The following MERTK variants were observed in gnomAD, a reference collection of about 807,000 sequenced individuals.
MERTK encodes the protein tyrosine-protein kinase Mer.
MERTK carries 69 observed loss-of-function variants against 99.3 expected under a neutral mutation model. The observed-to-expected ratio is 0.70, with a 90% CI of 0.57 to 0.85. The LOEUF is 0.85. MERTK is among the 40% of genes least tolerant of loss of function. The pLI, the probability that MERTK is intolerant of heterozygous loss-of-function variation, is 0.00. For synonymous variants in MERTK, 426 were observed against 467.6 expected, an observed-to-expected ratio of 0.91 and a Z score of 1.15; for missense variants, 1,125 against 1,249.4, an observed-to-expected ratio of 0.90 and a Z score of 1.50.
intron 9 of MERTK, chr2:111,996,412 G>C (rs1356957037): frequency 6.5e-6 from 1 of 153,642 alleles, no homozygotes; most frequent in Non-Finnish European, 1.5e-5. Context: ...CATTCTTTTT[G>C]TGCCCACCTT....
chr2:111,932,590 G>A (rs1174254559), intron 2 of MERTK, among the ~76,000 whole-genome samples: 3 of 152,212 alleles, frequency 2.0e-5, no homozygotes, highest in African/African-American at 7.2e-5. Flanking sequence ...TAGTTGTACA[G>A]TGATTCAGTG....
chr2:111,952,614 C>T (rs1243472003), intron 4 of MERTK: 1 of 152,192 alleles, frequency 6.6e-6, no homozygotes, highest in Non-Finnish European at 1.5e-5. Context: ...AGTGTTGTTG[C>T]TTTCCCACTG....
chr2:111,991,068 T>C (rs1411789762), intron 8 of MERTK, among the ~76,000 whole-genome samples: 1 of 152,160 alleles, frequency 6.6e-6, no homozygotes, highest in Non-Finnish European at 1.5e-5. Context: ...ATGTGTTAGT[T>C]ATGTCTCAGC....
intron 15 of MERTK, among the ~76,000 whole-genome samples, chr2:112,015,566 G>A (rs1339494222): frequency 5.9e-5 from 9 of 152,066 alleles, no homozygotes; most frequent in African/African-American, 2.2e-4. Flanking sequence ...TTCTTTATAT[G>A]TTCTAAATAT....
chr2:111,902,961 TA>T (rs796176073), intron 1 of MERTK, among the ~76,000 whole-genome samples: 3 of 152,322 alleles, frequency 2.0e-5, no homozygotes, highest in African/African-American at 7.2e-5. Context: ...GTATTTTTAG[TA>T]GAGACAGGGT....
At chr2:111,941,207 A>C (rs984037500) in intron 2 of MERTK, among the ~76,000 whole-genome samples, 2 of 151,934 alleles carry the variant, frequency 1.3e-5, no homozygotes, top group African/African-American at 4.9e-5. Context: ...TTTTTGTTTT[A>C]ACTTTGAAGT....
Position 111,997,012 on chromosome 2 carries a change from T to A in MERTK, c.1451-311T>A, listed in dbSNP as rs1042235075. 3 of 380,520 alleles carry A rather than the reference T, an allele frequency of 7.9e-6. No homozygotes were observed. The Admixed American group carries it at 1.1e-4, about 15-fold the overall frequency. The allele number at this position is 380,520 out of a possible 1,614,324, so 23.6% of individuals were successfully genotyped here. A position where few individuals can be genotyped will look rare whatever the true frequency, so the allele number is the denominator to read the frequency against. On this transcript the variant is annotated intron_variant, in intron 9 of 18. Coordinates refer to ENST00000295408, the MANE Select transcript of MERTK (RefSeq NM_006343.3). ...ATTTTCTTGTACGTGTATAATGACA[T>A]GAGTTTTCTCATTGATTTTAAAATT...
chr2:112,020,727 T>G, intron 16 of MERTK: 1 of 469,722 alleles, frequency 2.1e-6, no homozygotes, highest in Non-Finnish European at 4.4e-6. Flanking sequence ...TCCAGACCTC[T>G]GGGAGGAAGG....
intron 1 of MERTK, among the ~76,000 whole-genome samples, chr2:111,904,788 G>A (rs975872874): frequency 2.0e-5 from 3 of 152,194 alleles, no homozygotes; most frequent in African/African-American, 7.2e-5. Context: ...GTGTACAGGC[G>A]TGAGTATGTG....
At chr2:111,992,558 AT>A (rs1200236162) in intron 8 of MERTK, among the ~76,000 whole-genome samples, 2 of 151,938 alleles carry the variant, frequency 1.3e-5, no homozygotes, top group African/African-American at 4.8e-5. Flanking sequence ...CGAGACCATC[AT>A]GGCCAACATG....
intron 4 of MERTK, among the ~76,000 whole-genome samples, chr2:111,961,000 T>G (rs1685239401): frequency 1.3e-5 from 2 of 151,750 alleles, no homozygotes; most frequent in South Asian, 4.2e-4. Context: ...GTAATGGGTG[T>G]GAGAGAAATA....
At chr2:112,001,327 T>C (rs1676865236) in intron 11 of MERTK, 41 bp downstream of exon 11, 1 of 1,464,578 alleles carries the variant, frequency 6.8e-7, no homozygotes, top group Non-Finnish European at 9.6e-7. Context: ...AAAGTTAAAA[T>C]AGTTGAGAAC....
chr2:111,978,110 A>T (rs1404064316), intron 7 of MERTK, among the ~76,000 whole-genome samples: 1 of 96,652 alleles, frequency 1.0e-5, no homozygotes, highest in Non-Finnish European at 2.2e-5. Context: ...ACACCCAGCT[A>T]ATTTTTGGTT....
At chr2:111,980,115 G>T (rs189013058) in intron 7 of MERTK, among the ~76,000 whole-genome samples, 8 of 152,264 alleles carry the variant, frequency 5.3e-5, no homozygotes, top group African/African-American at 1.4e-4. Flanking sequence ...CTCTGTAGCC[G>T]CTCACTTCCT....
rs763617852 is a variant in MERTK, at chr2:111,947,563, T to TGGGGGTACTTA, written c.753_754insGGGGGTACTTA (p.Pro252GlyfsTer7). The TGGGGGTACTTA allele has an allele frequency of 6.2e-7, 1 of 1,614,014 alleles. No individual in the cohort carries two copies. The highest frequency in any genetic ancestry group is 2.2e-5 in the East Asian group (1 of 44,876). ...AAAAATCCCCCTCCGTGCTAACTGTTCCAGGTAAGTCCGAGCTGTGGGCTT... is the reference window on the plus strand; with the variant it reads ...AAAAATCCCCCTCCGTGCTAACTGTTGGGGGTACTTACCAGGTAAGTCCGAGCTGTGGGCTT... On this transcript the variant is annotated frameshift_variant, in exon 4 of 19. Transcript: ENST00000295408. LOFTEE classifies it high-confidence loss of function.
intron 4 of MERTK, among the ~76,000 whole-genome samples, chr2:111,957,903 G>C (rs1265511956): frequency 6.6e-6 from 1 of 152,208 alleles, no homozygotes; most frequent in Non-Finnish European, 1.5e-5. Flanking sequence ...AGAACTCAAA[G>C]AACTGGCTCA....
chr2:111,942,903 T>C (rs1684891679), intron 2 of MERTK, among the ~76,000 whole-genome samples: 1 of 152,216 alleles, frequency 6.6e-6, no homozygotes, highest in Non-Finnish European at 1.5e-5. Flanking sequence ...AGCTGCTCTA[T>C]TTATCACAGG....
intron 7 of MERTK, among the ~76,000 whole-genome samples, chr2:111,980,983 C>T (rs1676361837): frequency 6.6e-6 from 1 of 152,128 alleles, no homozygotes; most frequent in African/African-American, 2.4e-5. Context: ...TGGGAGGAGG[C>T]AGACATACAG....
chr2:111,902,799 TCC>T (rs1684069185), intron 1 of MERTK, among the ~76,000 whole-genome samples: 2 of 39,818 alleles, frequency 5.0e-5, no homozygotes, highest in South Asian at 1.8e-3. Context: ...CCTCCCTCCC[TCC>T]CTCCCTCTAT....
Sources: allele counts gnomAD v4.1 joint callset (sites outside exome capture counted in the v4.1 genomes callset), GRCh38; gene constraint gnomAD v4.1.1; transcripts MANE v1.5; gene names NCBI Gene and HGNC (gene_info 2026-07-23, HGNC 2026-07-21).